The following KAZN variants were observed in gnomAD, a reference collection of about 807,000 sequenced individuals.
KAZN encodes the protein kazrin.
KAZN carries 40 observed loss-of-function variants against 87.4 expected under a neutral mutation model. The observed-to-expected ratio is 0.46, with a 90% CI of 0.36 to 0.60. The LOEUF (loss-of-function observed/expected upper bound fraction) is 0.60, where lower values mean the gene tolerates loss of function less well. KAZN is among the 20% of genes least tolerant of loss of function. The pLI, the probability that KAZN is intolerant of heterozygous loss-of-function variation, is 0.00. For missense variants in KAZN, 898 were observed against 1,073.9 expected (o/e 0.84, Z 2.29); for synonymous variants, 466 against 458.3 (o/e 1.02, Z -0.22).
chr1:14,486,352 T>C (rs571964707), intron 2 of KAZN, among the ~76,000 whole-genome samples: 1 of 152,346 alleles, frequency 6.6e-6, no homozygotes, highest in Non-Finnish European at 1.5e-5. Flanking sequence ...AATGAAATTA[T>C]TTTTAACATA....
chr1:14,615,083 A>G (rs1261752860), intron 1 of KAZN, among the ~76,000 whole-genome samples: 1 of 152,204 alleles, frequency 6.6e-6, no homozygotes, highest in African/African-American at 2.4e-5. Flanking sequence ...AAATGTTCAC[A>G]AGTCTCCAGT....
chr1:14,643,739 C>T (rs1680585511), intron 1 of KAZN, among the ~76,000 whole-genome samples: 1 of 152,212 alleles, frequency 6.6e-6, no homozygotes, highest in Non-Finnish European at 1.5e-5. Context: ...GAGGAATTGA[C>T]ATACCACTTT....
intron 1 of KAZN, among the ~76,000 whole-genome samples, chr1:13,943,380 G>T (rs1641011228): frequency 6.6e-6 from 1 of 152,068 alleles, no homozygotes; most frequent in Non-Finnish European, 1.5e-5. Context: ...TGAGGTGGGA[G>T]GATCCCTTGA....
intron 2 of KAZN, among the ~76,000 whole-genome samples, chr1:14,464,126 C>T (rs1307495338): frequency 1.3e-5 from 2 of 152,204 alleles, no homozygotes; most frequent in African/African-American, 4.8e-5. Context: ...CATTAATCCA[C>T]GGTGGAACTT....
chr1:14,385,529 T>C (rs1057069068), intron 2 of KAZN, among the ~76,000 whole-genome samples: 1 of 152,196 alleles, frequency 6.6e-6, no homozygotes, highest in Non-Finnish European at 1.5e-5. Context: ...TTCTCGTTGG[T>C]TTCAAAGAAC....
At chr1:14,441,865 C>T (rs553364446) in intron 2 of KAZN, among the ~76,000 whole-genome samples, 279 of 152,254 alleles carry the variant, frequency 1.8e-3, no homozygotes, top group African/African-American at 6.6e-3. Flanking sequence ...GTAAAGGCAA[C>T]ACTGGACCCG....
exon 1 of KAZN, chr1:13,893,718 C>T: frequency 6.4e-7 from 1 of 1,550,526 alleles, no homozygotes. Flanking sequence ...GTCACCTTCT[C>T]CCACGTCTTT....
rs368732326 is a variant in KAZN, at chr1:14,697,440, C to T, written c.226+98217C>T. Among the ~76,000 whole-genome samples, 18 of 152,322 alleles carry T rather than the reference C, an allele frequency of 1.2e-4. 1 individual carries two copies. In the East Asian group the frequency reaches 3.1e-3, roughly 26 times the overall value. ...GAAACAATGACCTCCTGTCCGTAAG[C>T]ATGCACAACTTTGTTTATTTTTAAT... On this transcript the variant is annotated intron_variant, in intron 1 of 14. Transcript: ENST00000376030.
chr1:14,265,980 C>A (rs1416528931), intron 2 of KAZN, among the ~76,000 whole-genome samples: 1 of 152,188 alleles, frequency 6.6e-6, no homozygotes, highest in Non-Finnish European at 1.5e-5. Flanking sequence ...GGTGTTGTTT[C>A]TTTTAAACTG....
chr1:14,265,531 C>A (rs1330313138), intron 2 of KAZN, among the ~76,000 whole-genome samples: 3 of 152,172 alleles, frequency 2.0e-5, no homozygotes, highest in Non-Finnish European at 4.4e-5. Flanking sequence ...AGTCAAGTGA[C>A]CACAAGTGTC....
chr1:14,807,324 T>C (rs1447355284), intron 1 of KAZN, among the ~76,000 whole-genome samples: 2 of 152,220 alleles, frequency 1.3e-5, no homozygotes, highest in African/African-American at 4.8e-5. Context: ...ATTCTGAAAA[T>C]CTCTGGTTTT....
intron 2 of KAZN, among the ~76,000 whole-genome samples, chr1:14,453,661 C>T (rs532760444): frequency 2.0e-5 from 3 of 152,230 alleles, no homozygotes; most frequent in Admixed American, 2.0e-4. Context: ...CATGGCAAAA[C>T]CCCATCTCTA....
chr1:14,816,133 C>T (rs764621845), intron 1 of KAZN, among the ~76,000 whole-genome samples: 27 of 152,134 alleles, frequency 1.8e-4, no homozygotes, highest in Non-Finnish European at 3.1e-4. Flanking sequence ...CTTTCCTTCA[C>T]CTCTACTTTC....
At chr1:13,969,586 G>C (rs1034954132) in intron 1 of KAZN, among the ~76,000 whole-genome samples, 1 of 152,106 alleles carries the variant, frequency 6.6e-6, no homozygotes, top group Non-Finnish European at 1.5e-5. Flanking sequence ...AGCCACACCA[G>C]CTCGCTTGTT....
chr1:13,971,235 C>A (rs551000348), intron 1 of KAZN, among the ~76,000 whole-genome samples: 1 of 152,168 alleles, frequency 6.6e-6, no homozygotes. Flanking sequence ...GTGAGCAAAC[C>A]TAATTGTAAA....
intron 2 of KAZN, among the ~76,000 whole-genome samples, chr1:14,295,802 C>T (rs1332828644): frequency 2.6e-5 from 4 of 152,156 alleles, no homozygotes; most frequent in Admixed American, 2.6e-4. Flanking sequence ...TGCAGAGAAC[C>T]CCATTTCTTT....
chr1:13,964,720 G>T (rs2101033617), intron 1 of KAZN, among the ~76,000 whole-genome samples: 1 of 152,296 alleles, frequency 6.6e-6, no homozygotes, highest in East Asian at 1.9e-4. Flanking sequence ...GTCAGCCAAA[G>T]CAAGTCAAAG....
At chr1:14,674,060 A>T (rs1640073490) in intron 1 of KAZN, among the ~76,000 whole-genome samples, 1 of 152,328 alleles carries the variant, frequency 6.6e-6, no homozygotes, top group South Asian at 2.1e-4. Context: ...CATCTTATGC[A>T]TGGGGAAATG....
intron 4 of KAZN, among the ~76,000 whole-genome samples, chr1:15,052,453 C>T (rs1674508601): frequency 6.6e-6 from 1 of 152,072 alleles, no homozygotes; most frequent in Admixed American, 6.6e-5. Context: ...CCACTAGGTC[C>T]CTCCCATGAC....
Sources: allele counts gnomAD v4.1 joint callset (sites outside exome capture counted in the v4.1 genomes callset), GRCh38; gene constraint gnomAD v4.1.1; transcripts MANE v1.5; gene names NCBI Gene and HGNC (gene_info 2026-07-23, HGNC 2026-07-21).